ENTREP2: variants seen among roughly 807,000 people sequenced by gnomAD.
ENTREP2 encodes the protein protein ENTREP2.
chr15:29,584,433 GTGTGTGTGCA>G, the ENTREP2 span, among the ~76,000 whole-genome samples: 4 of 97,784 alleles, frequency 4.1e-5, no homozygotes, highest in Non-Finnish European at 8.6e-5. Flanking sequence ...TTAAATGTAT[GTGTGTGTGCA>G]TGTGTGTGTG....
the ENTREP2 span, among the ~76,000 whole-genome samples, chr15:29,358,054 T>C: frequency 2.0e-5 from 3 of 152,220 alleles, no homozygotes; most frequent in African/African-American, 2.4e-5. Flanking sequence ...ACACTGCCCA[T>C]GACCCAGCAA....
At chr15:29,447,490 G>A in the ENTREP2 span, among the ~76,000 whole-genome samples, 844 of 152,258 alleles carry the variant, frequency 5.5e-3, 14 homozygotes, top group African/African-American at 0.019. Flanking sequence ...CTTTGAGACA[G>A]GGTCTCACTC....
At chr15:29,122,453 CT>C in the ENTREP2 span, 1 of 152,230 alleles carries the variant, frequency 6.6e-6, no homozygotes, top group Non-Finnish European at 1.5e-5. Flanking sequence ...GGAGGGGCTA[CT>C]TCTCAGAGAA....
chr15:29,360,412 G>A, the ENTREP2 span, among the ~76,000 whole-genome samples: 527 of 152,186 alleles, frequency 3.5e-3, 5 homozygotes, highest in African/African-American at 0.012. Context: ...GAGGAGGCAG[G>A]AATTTCTAAG....
At chr15:29,314,966 T>G in the ENTREP2 span, among the ~76,000 whole-genome samples, 1 of 152,040 alleles carries the variant, frequency 6.6e-6, no homozygotes, top group African/African-American at 2.4e-5. Flanking sequence ...GCAGGAGAAT[T>G]GTTTGAGCCT....
the ENTREP2 span, chr15:29,151,889 A>G: frequency 2.8e-6 from 4 of 1,421,980 alleles, no homozygotes; most frequent in Non-Finnish European, 3.9e-6. Context: ...CGAAATAGAT[A>G]GCAGAATCCT....
chr15:29,513,919 A>ATTGTT, the ENTREP2 span, among the ~76,000 whole-genome samples: 1 of 152,192 alleles, frequency 6.6e-6, no homozygotes, highest in African/African-American at 2.4e-5. Context: ...AAGAAACAAC[A>ATTGTT]ATCTCACCCT....
chr15:29,336,289 G>A, the ENTREP2 span, among the ~76,000 whole-genome samples: 1 of 151,842 alleles, frequency 6.6e-6, no homozygotes, highest in Non-Finnish European at 1.5e-5. Context: ...TTTTCAAATA[G>A]ACAGAAAACC....
At chr15:29,491,526 T>G in the ENTREP2 span, among the ~76,000 whole-genome samples, 1 of 152,118 alleles carries the variant, frequency 6.6e-6, no homozygotes, top group Non-Finnish European at 1.5e-5. Flanking sequence ...TGGTGAGCCC[T>G]AGGGTCCCTA....
At chr15:29,208,363 C>G in the ENTREP2 span, among the ~76,000 whole-genome samples, 1 of 152,158 alleles carries the variant, frequency 6.6e-6, no homozygotes, top group Middle Eastern at 3.4e-3. Flanking sequence ...TTGATGCTTG[C>G]TAGGAGGGAA....
the ENTREP2 span, among the ~76,000 whole-genome samples, chr15:29,490,969 G>C: frequency 1.4e-4 from 22 of 152,308 alleles, no homozygotes; most frequent in East Asian, 3.7e-3. Context: ...GGCAGCACGG[G>C]AGCCCACTGC....
the ENTREP2 span, among the ~76,000 whole-genome samples, chr15:29,506,183 G>T: frequency 2.6e-5 from 4 of 152,072 alleles, no homozygotes; most frequent in African/African-American, 9.7e-5. Flanking sequence ...TTAACTTAAT[G>T]AAATAAAGTG....
chr15:29,546,691 C>T, the ENTREP2 span, among the ~76,000 whole-genome samples: 23 of 152,002 alleles, frequency 1.5e-4, no homozygotes, highest in African/African-American at 5.5e-4. Flanking sequence ...TCGAGACCAT[C>T]CTGGCTAACA....
chr15:29,160,183 C>T, the ENTREP2 span, among the ~76,000 whole-genome samples: 2 of 152,208 alleles, frequency 1.3e-5, no homozygotes, highest in African/African-American at 2.4e-5. Flanking sequence ...TGCGGGGCCG[C>T]GGAGCCCACG....
chr15:29,457,727 G>A, the ENTREP2 span, among the ~76,000 whole-genome samples: 2 of 152,198 alleles, frequency 1.3e-5, no homozygotes, highest in Admixed American at 6.5e-5. Flanking sequence ...CAAAACAGTC[G>A]AAAGTGTCAC....
At chr15:29,631,739 C>A in the ENTREP2 span, among the ~76,000 whole-genome samples, 1 of 152,204 alleles carries the variant, frequency 6.6e-6, no homozygotes, top group Non-Finnish European at 1.5e-5. Context: ...GACAGAAGTC[C>A]AGACTCCCCA....
At chr15:29,397,892 AC>A in the ENTREP2 span, among the ~76,000 whole-genome samples, 1 of 152,164 alleles carries the variant, frequency 6.6e-6, no homozygotes, top group African/African-American at 2.4e-5. Flanking sequence ...TAAGGAACAG[AC>A]CAGTGGCTTT....
At chr15:29,354,652 C>T in the ENTREP2 span, among the ~76,000 whole-genome samples, 1 of 151,966 alleles carries the variant, frequency 6.6e-6, no homozygotes, top group Non-Finnish European at 1.5e-5. Flanking sequence ...CAGACACTGT[C>T]TCTATGAAAC....
the ENTREP2 span, among the ~76,000 whole-genome samples, chr15:29,351,631 A>G: frequency 6.6e-6 from 1 of 152,134 alleles, no homozygotes; most frequent in East Asian, 1.9e-4. Flanking sequence ...TAACTATTTC[A>G]TATGAAATTT....
Sources: gnomAD v4.1 joint callset for allele counts (sites outside exome capture counted in the v4.1 genomes callset) on GRCh38, gnomAD v4.1.1 for gene constraint, MANE v1.5 for transcripts, NCBI Gene and HGNC (gene_info 2026-07-23, HGNC 2026-07-21) for gene names.